Variants in NDST4 observed in about 807,000 individuals in gnomAD.
NDST4 encodes N-heparan sulfate sulfotransferase 4.
NDST4 carries 63 observed loss-of-function variants against 100.8 expected under a neutral mutation model. The ratio of observed to expected loss-of-function variants is 0.62; its 90% CI spans 0.51 to 0.77. The LOEUF is 0.77. Ranked by LOEUF, NDST4 falls within the 30% of genes least tolerant of loss-of-function variation. The pLI is 0.00. For synonymous variants in NDST4, 377 were observed against 361.8 expected, an observed-to-expected ratio of 1.04 and a Z score of -0.48; for missense variants, 943 against 1,018.4, an observed-to-expected ratio of 0.93 and a Z score of 1.01.
At chr4:114,883,106 T>C (rs1182882548) in intron 6 of NDST4, among the ~76,000 whole-genome samples, 1 of 152,034 alleles carries the variant, frequency 6.6e-6, no homozygotes, top group Non-Finnish European at 1.5e-5. Context: ...GATGAAGTTT[T>C]TTAGGCAGAG....
intron 2 of NDST4, among the ~76,000 whole-genome samples, chr4:114,987,486 A>C (rs1282587164): frequency 6.6e-6 from 1 of 152,140 alleles, no homozygotes; most frequent in Non-Finnish European, 1.5e-5. Context: ...TGGATGTTTG[A>C]GCTACCTTCT....
At chr4:114,891,995 C>T (rs1724609251) in intron 6 of NDST4, among the ~76,000 whole-genome samples, 1 of 152,110 alleles carries the variant, frequency 6.6e-6, no homozygotes, top group Admixed American at 6.6e-5. Context: ...GCACTTCACT[C>T]TTCTCTTAGT....
chr4:114,875,636 C>T (rs145387165), intron 6 of NDST4, among the ~76,000 whole-genome samples: 2 of 152,122 alleles, frequency 1.3e-5, no homozygotes, highest in African/African-American at 4.8e-5. Context: ...CTGCTTATCC[C>T]CCTGAGTATT....
intron 1 of NDST4, among the ~76,000 whole-genome samples, chr4:115,086,887 T>G (rs550608): frequency 0.21 from 32,342 of 151,970 alleles, 4,421 homozygotes; most frequent in East Asian, 0.46. Flanking sequence ...TTTATGTGGA[T>G]ATTTCTTCTG....
rs1373737512 is a variant in NDST4, at chr4:114,930,192, G to A, written c.1536+5014C>T. Among the ~76,000 whole-genome samples the A allele has an allele frequency of 2.0e-5, 3 of 152,122 alleles. No individual in the cohort carries two copies. In the East Asian group the frequency reaches 5.8e-4, roughly 29 times the overall value. On this transcript the variant is annotated intron_variant, in intron 6 of 13. Transcript: ENST00000264363. ...ACAAAAGGTGTTGATTTTGAAATAT[G>A]CACAAAAATTGAAATATCTCAGATA...
chr4:114,882,709 G>C (rs1046757411), intron 6 of NDST4, among the ~76,000 whole-genome samples: 2 of 152,008 alleles, frequency 1.3e-5, no homozygotes, highest in African/African-American at 4.8e-5. Flanking sequence ...TTAAAGTAAT[G>C]ACAGCTGAAA....
chr4:114,855,888 C>T (rs527304138), intron 7 of NDST4, among the ~76,000 whole-genome samples: 9 of 152,088 alleles, frequency 5.9e-5, no homozygotes, highest in Admixed American at 2.6e-4. Context: ...GAAGAATGAT[C>T]GTTTTTGATA....
rs181427138 is a variant in NDST4 at position 115,000,092 on chromosome 4, T to C, written c.979-22818A>G. ...ATTAGCTATGTGTTTTGAAATGTTA[T>C]ACAAACCTGTGTTTTGAAATGTTAA... On this transcript the variant is annotated intron_variant, in intron 2 of 13. Transcript: ENST00000264363. 3.1e-3 allele frequency among the ~76,000 whole-genome samples: 472 copies of C among 151,976 alleles called. 1 individual carries two copies. The highest frequency in any genetic ancestry group is 5.8e-3 in the Non-Finnish European group (397 of 67,956).
At chr4:115,049,012 A>G (rs897494227) in intron 2 of NDST4, among the ~76,000 whole-genome samples, 1 of 152,138 alleles carries the variant, frequency 6.6e-6, no homozygotes, top group African/African-American at 2.4e-5. Flanking sequence ...AAATATTGTG[A>G]ATGTTAAAGA....
At chr4:115,032,514 G>A (rs1276283501) in intron 2 of NDST4, among the ~76,000 whole-genome samples, 1 of 152,092 alleles carries the variant, frequency 6.6e-6, no homozygotes, top group Non-Finnish European at 1.5e-5. Flanking sequence ...CAAAAAAGAA[G>A]AGATAATAAT....
Position 114,870,826 on chromosome 4 carries a change from A to C in NDST4, c.1661T>G (p.Val554Gly), listed in dbSNP as rs1724132086. Residue 554 changes from valine to glycine, a missense_variant, in exon 7 of 14, where the codon GTG becomes GGG. By Grantham distance (109) the Val-to-Gly change is moderately radical. Coordinates refer to ENST00000264363, the MANE Select transcript of NDST4 (RefSeq NM_022569.3). The part of the protein sequence containing the change: ...TNLKLQTLPP[V>G]QLAHQYFELF... ...CTCAAAATACTGGTGGGCCAGTTGC[A>C]CTGGAGGCAGAGTTTGCAATTTCAG... 2 of 1,613,004 alleles carry C rather than the reference A, an allele frequency of 1.2e-6. No individual in the cohort carries two copies. Among genetic ancestry groups the C allele is most frequent in the Admixed American group, 1.7e-5 (1 of 59,888 alleles).
intron 3 of NDST4, among the ~76,000 whole-genome samples, chr4:114,972,407 C>A (rs904971325): frequency 6.6e-6 from 1 of 151,892 alleles, no homozygotes; most frequent in African/African-American, 2.4e-5. Context: ...TTAAGAAATT[C>A]TATTACTATT....
chr4:114,956,237 T>C (rs1464363039), intron 4 of NDST4, among the ~76,000 whole-genome samples: 1 of 152,164 alleles, frequency 6.6e-6, no homozygotes, highest in East Asian at 1.9e-4. Flanking sequence ...TAGACAATTG[T>C]AGTTACCTTT....
At chr4:115,082,548 C>G (rs1000735305) in intron 1 of NDST4, among the ~76,000 whole-genome samples, 18 of 152,096 alleles carry the variant, frequency 1.2e-4, no homozygotes, top group African/African-American at 4.3e-4. Flanking sequence ...GTACAGATCA[C>G]TAAAGAGGCT....
chr4:114,969,975 T>G (rs1167586959), intron 4 of NDST4, among the ~76,000 whole-genome samples: 1 of 152,174 alleles, frequency 6.6e-6, no homozygotes, highest in Non-Finnish European at 1.5e-5. Context: ...TGCCAACATC[T>G]GTTGTTTTTG....
chr4:115,032,718 A>G (rs960450872), intron 2 of NDST4, among the ~76,000 whole-genome samples: 1 of 152,098 alleles, frequency 6.6e-6, no homozygotes, highest in African/African-American at 2.4e-5. Flanking sequence ...CTGTCTTCTG[A>G]CCAAAGCTTA....
At chr4:114,865,473 G>C (rs1221684227) in intron 7 of NDST4, among the ~76,000 whole-genome samples, 1 of 152,102 alleles carries the variant, frequency 6.6e-6, no homozygotes, top group Non-Finnish European at 1.5e-5. Context: ...TCAATAAAAT[G>C]AACTGTATTT....
intron 1 of NDST4, among the ~76,000 whole-genome samples, chr4:115,112,423 A>G (rs987710471): frequency 6.6e-6 from 1 of 151,922 alleles, no homozygotes; most frequent in Non-Finnish European, 1.5e-5. Context: ...ATGTTAAAGC[A>G]TTTATGAAAC....
At chr4:115,038,629 A>C (rs979840762) in intron 2 of NDST4, among the ~76,000 whole-genome samples, 3 of 152,210 alleles carry the variant, frequency 2.0e-5, no homozygotes, top group African/African-American at 7.2e-5. Context: ...AGGACATGTA[A>C]TTAAGAACAG....
Sources: allele counts gnomAD v4.1 joint callset (sites outside exome capture counted in the v4.1 genomes callset), GRCh38; gene constraint gnomAD v4.1.1; transcripts MANE v1.5; gene names NCBI Gene and HGNC (gene_info 2026-07-23, HGNC 2026-07-21).